Variants in SLC9A9 observed in about 807,000 individuals in gnomAD.
SLC9A9 encodes solute carrier family 9 member A9.
SLC9A9 carries 62 observed loss-of-function variants against 77.8 expected under a neutral mutation model. The observed-to-expected ratio is 0.80, with a 90% CI of 0.65 to 0.98. The LOEUF is 0.98. SLC9A9 is among the 50% of genes least tolerant of loss of function. SLC9A9 has a pLI of 0.00. For missense variants in SLC9A9, 775 were observed against 774.9 expected, an observed-to-expected ratio of 1.00 and a Z score of 0.00; for synonymous variants, 320 against 283.5, an observed-to-expected ratio of 1.13 and a Z score of -1.29.
intron 14 of SLC9A9, among the ~76,000 whole-genome samples, chr3:143,289,888 G>C (rs975292853): frequency 1.3e-5 from 2 of 152,164 alleles, no homozygotes; most frequent in African/African-American, 2.4e-5. Context: ...ACCATCAAAA[G>C]CTTCCTGTGG....
In SLC9A9 at chr3:143,552,339, C is replaced by A; in HGVS notation, c.1089+23G>T. The A allele has an allele frequency of 1.9e-6, 3 of 1,559,922 alleles. No individual in the cohort carries two copies. The South Asian group carries it at 3.4e-5, about 18-fold the overall frequency. ...ATTTCACTGAGAAAAGAGACCAAGT[C>A]TGTAGTAAATTTTTTCTTTTACCTG... On this transcript the variant is annotated intron_variant, in intron 9 of 15. Coordinates refer to ENST00000316549, the MANE Select transcript of SLC9A9 (RefSeq NM_173653.4).
intron 4 of SLC9A9, among the ~76,000 whole-genome samples, chr3:143,730,430 G>C (rs560333506): frequency 6.6e-6 from 1 of 152,216 alleles, no homozygotes; most frequent in South Asian, 2.1e-4. Flanking sequence ...TTTATATCTG[G>C]GGATGAAGCA....
intron 5 of SLC9A9, among the ~76,000 whole-genome samples, chr3:143,672,109 C>T (rs936854915): frequency 4.6e-5 from 7 of 152,118 alleles, no homozygotes; most frequent in East Asian, 3.8e-4. Context: ...CCTGCTTAGC[C>T]GATATTAAAT....
intron 12 of SLC9A9, among the ~76,000 whole-genome samples, chr3:143,394,613 A>G (rs1374503362): frequency 1.3e-5 from 2 of 152,192 alleles, no homozygotes; most frequent in African/African-American, 4.8e-5. Flanking sequence ...GCAATCAGAC[A>G]GGAGAAGGAA....
chr3:143,324,254 T>A (rs959154925), intron 14 of SLC9A9, among the ~76,000 whole-genome samples: 2 of 152,142 alleles, frequency 1.3e-5, no homozygotes, highest in Non-Finnish European at 2.9e-5. Context: ...CCCCAGGCAG[T>A]GGGTGAGCCT....
At chr3:143,812,698 T>C (rs1250914195) in intron 2 of SLC9A9, among the ~76,000 whole-genome samples, 1 of 152,116 alleles carries the variant, frequency 6.6e-6, no homozygotes, top group African/African-American at 2.4e-5. Flanking sequence ...CTTTCTCTCC[T>C]TCCTTCCTTT....
chr3:143,791,757 T>C (rs747047659), intron 4 of SLC9A9, among the ~76,000 whole-genome samples: 2 of 152,116 alleles, frequency 1.3e-5, no homozygotes, highest in Non-Finnish European at 2.9e-5. Context: ...TCTGAATCTC[T>C]CCCCCTGCCC....
intron 5 of SLC9A9, among the ~76,000 whole-genome samples, chr3:143,674,612 A>G (rs551374991): frequency 6.6e-6 from 1 of 152,222 alleles, no homozygotes; most frequent in East Asian, 1.9e-4. Flanking sequence ...AGGGAGACAA[A>G]CAAGAGACAT....
At chr3:143,351,757 A>G (rs139602069) in intron 14 of SLC9A9, among the ~76,000 whole-genome samples, 4,327 of 152,310 alleles carry the variant, frequency 0.028, 89 homozygotes, top group South Asian at 0.074. Flanking sequence ...CTTTGTTTAT[A>G]TCTGCAAAAT....
intron 6 of SLC9A9, among the ~76,000 whole-genome samples, chr3:143,599,936 A>G (rs2037817161): frequency 6.6e-6 from 1 of 152,114 alleles, no homozygotes; most frequent in East Asian, 1.9e-4. Flanking sequence ...AAAGCAACTA[A>G]ACAGTCACTG....
At chr3:143,524,911 G>T (rs1052877865) in intron 9 of SLC9A9, among the ~76,000 whole-genome samples, 1 of 152,126 alleles carries the variant, frequency 6.6e-6, no homozygotes, top group South Asian at 2.1e-4. Context: ...GCCATGTTAC[G>T]ATGCCATAGC....
At chr3:143,484,836 T>A (rs1229042450) in intron 11 of SLC9A9, among the ~76,000 whole-genome samples, 2 of 152,234 alleles carry the variant, frequency 1.3e-5, no homozygotes, top group African/African-American at 2.4e-5. Flanking sequence ...AAACTCCCCA[T>A]GTCTCATTGT....
At chr3:143,697,800 A>G (rs1197027405) in intron 4 of SLC9A9, among the ~76,000 whole-genome samples, 3 of 152,142 alleles carry the variant, frequency 2.0e-5, no homozygotes, top group Non-Finnish European at 4.4e-5. Context: ...CCATAATTTC[A>G]GTCACTTCCT....
At chr3:143,794,926 C>T in intron 4 of SLC9A9, 75 bp downstream of exon 4, 1 of 1,323,044 alleles carries the variant, frequency 7.6e-7, no homozygotes. Flanking sequence ...AGCAAGAATC[C>T]TGGAAGTGTT....
chr3:143,516,533 T>C (rs1350152412), intron 9 of SLC9A9, among the ~76,000 whole-genome samples: 1 of 152,182 alleles, frequency 6.6e-6, no homozygotes, highest in Non-Finnish European at 1.5e-5. Context: ...ATTAGCTGCA[T>C]CTGGAAAATT....
chr3:143,798,924 A>G (rs1342104977), intron 2 of SLC9A9, among the ~76,000 whole-genome samples: 1 of 151,776 alleles, frequency 6.6e-6, no homozygotes, highest in Non-Finnish European at 1.5e-5. Context: ...CCTCCTCCCC[A>G]GGCTGCTCCT....
chr3:143,476,468 T>C (rs973598410), intron 11 of SLC9A9, among the ~76,000 whole-genome samples: 1 of 152,270 alleles, frequency 6.6e-6, no homozygotes, highest in Admixed American at 6.5e-5. Context: ...TAGGATTAGC[T>C]CTGTCACAAC....
At chr3:143,682,687 T>C (rs1475455895) in intron 5 of SLC9A9, among the ~76,000 whole-genome samples, 1 of 152,190 alleles carries the variant, frequency 6.6e-6, no homozygotes, top group Non-Finnish European at 1.5e-5. Flanking sequence ...TTTCTTTCTG[T>C]AGGCACAAGA....
In SLC9A9 at chr3:143,340,489, G is replaced by A. The variant is rs986114841; in HGVS notation, c.1604+22995C>T. Among the ~76,000 whole-genome samples, 4 of 152,178 alleles carry A rather than the reference G, an allele frequency of 2.6e-5. No individual in the cohort carries two copies. The South Asian group carries it at 8.3e-4, about 32-fold the overall frequency. ...TGGGAAAAATAAAACAGGTACTAATGAGTAGTTGGAATTTCTTAATGGAAA... is the reference window on the plus strand; with the variant it reads ...TGGGAAAAATAAAACAGGTACTAATAAGTAGTTGGAATTTCTTAATGGAAA... On this transcript the variant is annotated intron_variant, in intron 14 of 15. Transcript: ENST00000316549.
Sources: gnomAD v4.1 joint callset for allele counts (sites outside exome capture counted in the v4.1 genomes callset) on GRCh38, gnomAD v4.1.1 for gene constraint, MANE v1.5 for transcripts, NCBI Gene and HGNC (gene_info 2026-07-23, HGNC 2026-07-21) for gene names.